The following TCF4 variants were observed in gnomAD, a reference collection of about 807,000 sequenced individuals.
The protein encoded by TCF4 is SL3-3 enhancer factor 2.
Under a neutral mutation model 82.1 loss-of-function variants are expected in TCF4, and 3 were observed. The ratio of observed to expected loss-of-function variants is 0.04; its 90% CI spans 0.02 to 0.09. The LOEUF (loss-of-function observed/expected upper bound fraction) is 0.09, where lower values mean the gene tolerates loss of function less well. Among genes scored for constraint, TCF4 ranks in the 10% least tolerant of loss-of-function variants. The probability of loss-of-function intolerance (pLI) is 1.00; values close to 1 mark genes in which losing one functional copy is unlikely to be tolerated. For synonymous variants in TCF4, 276 were observed against 309.6 expected, an observed-to-expected ratio of 0.89 and a Z score of 1.14; for missense variants, 518 against 852.7, an observed-to-expected ratio of 0.61 and a Z score of 4.89.
chr18:55,317,890 A>T (rs1166358078), intron 8 of TCF4, among the ~76,000 whole-genome samples: 3 of 152,146 alleles, frequency 2.0e-5, no homozygotes, highest in African/African-American at 7.2e-5. Context: ...AAAGCTGCAT[A>T]ATATGACCAA....
chr18:55,288,179 G>A (rs531902594), intron 8 of TCF4, among the ~76,000 whole-genome samples: 2 of 152,198 alleles, frequency 1.3e-5, no homozygotes, highest in Admixed American at 1.3e-4. Flanking sequence ...TGAGATTTAA[G>A]CTATTTTCCA....
intron 2 of TCF4, among the ~76,000 whole-genome samples, chr18:55,612,971 G>C (rs1178944202): frequency 6.6e-6 from 1 of 151,908 alleles, no homozygotes; most frequent in Non-Finnish European, 1.5e-5. Context: ...ATATTGTTTA[G>C]TACTGAAGTC....
intron 10 of TCF4, among the ~76,000 whole-genome samples, chr18:55,275,275 G>GAAAA (rs533160424): frequency 5.3e-3 from 368 of 69,624 alleles, no homozygotes; most frequent in Non-Finnish European, 6.5e-3. Context: ...ACTACAGATA[G>GAAAA]AAAAAAAAAA....
chr18:55,461,134 T>C lies in TCF4; in HGVS notation c.208-19A>G. On this transcript the variant is annotated intron_variant, in intron 4 of 19. Transcript: ENST00000354452. ...CATAGTTCTGTAAATAAAATGACAG[T>C]GTAAGTTATTATTTTATATTAATAA... The C allele has an allele frequency of 6.3e-7, 1 of 1,584,380 alleles. No individual in the cohort carries two copies.
chr18:55,236,754 T>G (rs1282665564), intron 15 of TCF4, among the ~76,000 whole-genome samples: 1 of 152,254 alleles, frequency 6.6e-6, no homozygotes, highest in Non-Finnish European at 1.5e-5. Flanking sequence ...AAATGGTGGC[T>G]CTTTATGTCT....
At position 55,585,309 on chromosome 18, in the gene TCF4, G is replaced by A; in HGVS notation, c.116C>T (p.Ser39Phe). 6.2e-7 allele frequency: 1 copy of A among 1,614,022 alleles called. No individual in the cohort carries two copies. Among genetic ancestry groups the A allele is most frequent in the South Asian group, 1.1e-5 (1 of 91,084 alleles). The part of the protein sequence containing the change: ...PVSSGKNGPT[S>F]LASGHFTGSN... ...GCCAGTAAAATGTCCACTTGCCAAA[G>A]AAGTTGGTCCATTTTTCCCACTGCT... is the stretch of plus-strand genomic sequence containing the variant. The change falls in exon 3 of 20, where the codon TCT becomes TTT. Residue 39 changes from serine (S) to phenylalanine (F), a missense_variant. This residue lies in a region of TCF4 where 19 missense variants were observed against 54.5 expected (regional missense o/e 0.35). Transcript: ENST00000354452.
intron 13 of TCF4, among the ~76,000 whole-genome samples, chr18:55,258,718 C>T (rs1411984930): frequency 6.6e-6 from 1 of 152,100 alleles, no homozygotes; most frequent in Non-Finnish European, 1.5e-5. Flanking sequence ...AACTGGAGTT[C>T]CACCTGCTCA....
chr18:55,422,100 C>CAA (rs11412305), intron 5 of TCF4: 13,036 of 439,970 alleles, frequency 0.03, 3 homozygotes, highest in Middle Eastern at 0.046. Context: ...AGAAAAAGCA[C>CAA]AAAAAAAAAA....
intron 3 of TCF4, among the ~76,000 whole-genome samples, chr18:55,526,791 G>A (rs560411927): frequency 1.6e-4 from 25 of 152,210 alleles, no homozygotes; most frequent in African/African-American, 5.5e-4. Flanking sequence ...ACCCTCAACT[G>A]GATCCTAATT....
At chr18:55,634,299 A>C (rs181799872) in intron 1 of TCF4, among the ~76,000 whole-genome samples, 1 of 152,184 alleles carries the variant, frequency 6.6e-6, no homozygotes, top group Non-Finnish European at 1.5e-5. Context: ...ACAAAAAAAA[A>C]AACTAGAATT....
chr18:55,513,368 GCT>G (rs1491259344), intron 3 of TCF4, among the ~76,000 whole-genome samples: 155 of 57,914 alleles, frequency 2.7e-3, no homozygotes, highest in South Asian at 7.5e-3. Flanking sequence ...CTAGCCCTCA[GCT>G]TTTTTTTTTT....
chr18:55,379,572 G>C (rs1286786635), intron 6 of TCF4, among the ~76,000 whole-genome samples: 1 of 152,174 alleles, frequency 6.6e-6, no homozygotes, highest in Non-Finnish European at 1.5e-5. Context: ...AAGGGGACCA[G>C]CCTCCAAGTG....
intron 6 of TCF4, among the ~76,000 whole-genome samples, chr18:55,398,442 A>G (rs1035409655): frequency 1.3e-5 from 2 of 152,180 alleles, no homozygotes; most frequent in African/African-American, 4.8e-5. Flanking sequence ...CAGATCATCT[A>G]TAATTCCCTC....
intron 8 of TCF4, chr18:55,320,984 G>C (rs887408331): frequency 6.6e-6 from 1 of 152,608 alleles, no homozygotes. Flanking sequence ...CTGTTGGAAG[G>C]GGGGGAAATT....
chr18:55,532,909 A>T lies in TCF4; in HGVS notation c.145+52371T>A, dbSNP rs568628489. 5.3e-5 allele frequency among the ~76,000 whole-genome samples: 8 copies of T among 152,236 alleles called. No individual in the cohort carries two copies. In the East Asian group the frequency reaches 7.7e-4, roughly 15 times the overall value. On this transcript the variant is annotated intron_variant, in intron 3 of 19. Coordinates refer to ENST00000354452, the MANE Select transcript of TCF4 (RefSeq NM_001083962.2). ...TAACTTACCTCTCTGTGAAATGGAGACACAATAGCTGCCTTCTTAATAGGG... is the reference window on the plus strand; with the variant it reads ...TAACTTACCTCTCTGTGAAATGGAGTCACAATAGCTGCCTTCTTAATAGGG...
chr18:55,428,701 T>C (rs1482531729), intron 5 of TCF4, among the ~76,000 whole-genome samples: 2 of 152,248 alleles, frequency 1.3e-5, no homozygotes, highest in Non-Finnish European at 2.9e-5. Flanking sequence ...TTTAAGAGTA[T>C]TAAAGCTCAG....
intron 2 of TCF4, among the ~76,000 whole-genome samples, chr18:55,607,997 T>A (rs1159417515): frequency 6.6e-6 from 1 of 152,190 alleles, no homozygotes; most frequent in African/African-American, 2.4e-5. Flanking sequence ...CTGCTAATGC[T>A]GATAAAAACT....
chr18:55,573,566 T>C (rs1484859725), intron 3 of TCF4, among the ~76,000 whole-genome samples: 2 of 152,180 alleles, frequency 1.3e-5, no homozygotes, highest in African/African-American at 4.8e-5. Context: ...TTGCGGGATC[T>C]GACACCTACC....
chr18:55,402,141 T>A (rs1463253687), intron 6 of TCF4: 3 of 985,478 alleles, frequency 3.0e-6, no homozygotes, highest in Non-Finnish European at 3.6e-6. Context: ...TGAACTGCAC[T>A]CCGGCAGGAG....
Sources: gnomAD v4.1 joint callset for allele counts (sites outside exome capture counted in the v4.1 genomes callset) on GRCh38, gnomAD v4.1.1 for gene constraint, gnomAD v4.1.1 regional missense constraint, MANE v1.5 for transcripts, NCBI Gene and HGNC (gene_info 2026-07-23, HGNC 2026-07-21) for gene names.